ACYP2: variants seen among roughly 807,000 people sequenced by gnomAD.
The protein encoded by ACYP2 is acylphosphatase-2.
ACYP2 carries 12 observed loss-of-function variants against 11.2 expected under a neutral mutation model. That is an observed-to-expected ratio of 1.08 (90% CI 0.69 to 1.74). ACYP2 has a LOEUF of 1.74. ACYP2 is among the 40% of genes most tolerant of loss of function. The pLI, the probability that ACYP2 is intolerant of heterozygous loss-of-function variation, is 0.00. For missense variants in ACYP2, 134 were observed against 101.9 expected, an observed-to-expected ratio of 1.31 and a Z score of -1.35; for synonymous variants, 43 against 32.2, an observed-to-expected ratio of 1.33 and a Z score of -1.13.
chr2:54,088,169 TGC>T, intron 4 of ACYP2, among the ~76,000 whole-genome samples: 1 of 152,206 alleles, frequency 6.6e-6, no homozygotes, highest in Non-Finnish European at 1.5e-5. Flanking sequence ...AAAAGCGTGT[TGC>T]TAGGTTAGAA....
Position 54,036,322 on chromosome 2 carries a change from C to A in ACYP2, c.63-14636C>A, listed in dbSNP as rs1173275060. Among the ~76,000 whole-genome samples the A allele has an allele frequency of 6.6e-5, 10 of 152,224 alleles. No homozygotes were observed. In the East Asian group the frequency reaches 1.9e-3, roughly 29 times the overall value. On this transcript the variant is annotated intron_variant, in intron 2 of 6. Transcript: ENST00000607452. ...GTTGGCAGGCTGGTGTGGAACTCGA[C>A]CTCAGGTGATTTCTGCCCACCTTGG...
intron 6 of ACYP2, among the ~76,000 whole-genome samples, chr2:54,297,090 C>G (rs1318326601): frequency 8.3e-6 from 1 of 120,430 alleles, no homozygotes; most frequent in Non-Finnish European, 1.8e-5. Flanking sequence ...TGTGTTGGCT[C>G]CTTGGGTGGG....
At chr2:54,281,198 C>A (rs979750100) in intron 6 of ACYP2, among the ~76,000 whole-genome samples, 2 of 152,226 alleles carry the variant, frequency 1.3e-5, no homozygotes, top group Admixed American at 1.3e-4. Context: ...TAGTCTCAAT[C>A]TTAGAGTCCA....
intron 2 of ACYP2, among the ~76,000 whole-genome samples, chr2:54,041,093 CT>C (rs376104718): frequency 9.7e-6 from 1 of 102,982 alleles, no homozygotes; most frequent in South Asian, 3.6e-4. Context: ...CTCTCTCTCT[CT>C]TTCTTTCTTT....
At chr2:53,976,628 T>G (rs376175894) in intron 2 of ACYP2, among the ~76,000 whole-genome samples, 6 of 126,182 alleles carry the variant, frequency 4.8e-5, no homozygotes, top group Admixed American at 7.5e-5. Context: ...GTCTGAAGAT[T>G]TGGGAGGAAA....
At chr2:54,021,092 C>T (rs1282185386) in intron 2 of ACYP2, among the ~76,000 whole-genome samples, 1 of 152,162 alleles carries the variant, frequency 6.6e-6, no homozygotes, top group East Asian at 1.9e-4. Flanking sequence ...TGTTGTTCCT[C>T]TCTTGGCTAG....
chr2:53,996,869 T>G (rs1162302517), intron 2 of ACYP2, among the ~76,000 whole-genome samples: 1 of 152,222 alleles, frequency 6.6e-6, no homozygotes, highest in Non-Finnish European at 1.5e-5. Flanking sequence ...TTTAGCAGAT[T>G]AATCTTTCTA....
chr2:54,150,562 C>T (rs914343505), intron 6 of ACYP2, among the ~76,000 whole-genome samples: 3 of 151,984 alleles, frequency 2.0e-5, no homozygotes, highest in African/African-American at 4.8e-5. Context: ...GCTGAGATTA[C>T]AGGCGTGGGC....
intron 4 of ACYP2, among the ~76,000 whole-genome samples, chr2:54,068,415 G>A (rs1334516119): frequency 6.6e-6 from 1 of 152,166 alleles, no homozygotes; most frequent in African/African-American, 2.4e-5. Flanking sequence ...TTTTCTCTTA[G>A]GACTTGAGAG....
chr2:54,282,497 G>C (rs547120715), intron 6 of ACYP2, among the ~76,000 whole-genome samples: 1 of 152,302 alleles, frequency 6.6e-6, no homozygotes, highest in East Asian at 1.9e-4. Flanking sequence ...AGTTCTGCCT[G>C]ATTTGATCTT....
At chr2:54,198,309 G>A (rs1373837064) in intron 6 of ACYP2, among the ~76,000 whole-genome samples, 2 of 152,174 alleles carry the variant, frequency 1.3e-5, no homozygotes, top group Middle Eastern at 3.4e-3. Flanking sequence ...GTGCCACTGC[G>A]CCTGGGCAAC....
At chr2:54,302,044 C>A (rs540003381) in intron 6 of ACYP2, among the ~76,000 whole-genome samples, 2 of 152,184 alleles carry the variant, frequency 1.3e-5, no homozygotes, top group Admixed American at 6.5e-5. Flanking sequence ...CCAGGCCATA[C>A]TTTTGGCTGG....
chr2:54,216,500 C>G (rs1432281192), intron 6 of ACYP2, among the ~76,000 whole-genome samples: 1 of 150,938 alleles, frequency 6.6e-6, no homozygotes. Context: ...AAATATATCT[C>G]TATTGATGAA....
chr2:54,126,806 C>T (rs1680536912), intron 4 of ACYP2, among the ~76,000 whole-genome samples: 1 of 151,650 alleles, frequency 6.6e-6, no homozygotes. Context: ...AAAAATTAGC[C>T]AGGTGTGGTG....
chr2:54,261,100 A>G (rs555889856), intron 6 of ACYP2, among the ~76,000 whole-genome samples: 1 of 152,336 alleles, frequency 6.6e-6, no homozygotes, highest in South Asian at 2.1e-4. Context: ...CATCTCCCCA[A>G]GGGTACACAT....
At chr2:54,254,412 G>A (rs1021211375) in intron 6 of ACYP2, 3 of 154,170 alleles carry the variant, frequency 1.9e-5, no homozygotes, top group Admixed American at 1.9e-4. Context: ...TAGGTGACCA[G>A]TCTCAGGAAA....
chr2:54,267,165 T>C, intron 6 of ACYP2: 1 of 850,240 alleles, frequency 1.2e-6, no homozygotes, highest in Non-Finnish European at 1.8e-6. Flanking sequence ...AATGAGCATG[T>C]ATTATTCATG....
intron 2 of ACYP2, among the ~76,000 whole-genome samples, chr2:54,016,268 TA>T (rs541747715): frequency 6.6e-6 from 1 of 151,728 alleles, no homozygotes; most frequent in Non-Finnish European, 1.5e-5. Context: ...CCCAGTGCCA[TA>T]AAAAAAATAT....
intron 6 of ACYP2, among the ~76,000 whole-genome samples, chr2:54,262,488 T>C (rs1329624481): frequency 6.6e-6 from 1 of 152,176 alleles, no homozygotes; most frequent in African/African-American, 2.4e-5. Context: ...AGAAAAGAAA[T>C]TGATACTACA....
Sources: gnomAD v4.1 joint callset for allele counts (sites outside exome capture counted in the v4.1 genomes callset) on GRCh38, gnomAD v4.1.1 for gene constraint, MANE v1.5 for transcripts, NCBI Gene and HGNC (gene_info 2026-07-23, HGNC 2026-07-21) for gene names.